TBC1D22A: variants seen among roughly 807,000 people sequenced by gnomAD.
The protein encoded by TBC1D22A is TBC1 domain family member 22A.
In TBC1D22A, 38 loss-of-function variants were observed where a neutral mutation model predicts 60.2. That is an observed-to-expected ratio of 0.63 (90% CI 0.49 to 0.83). The LOEUF (loss-of-function observed/expected upper bound fraction) is 0.83. Ranked by LOEUF, TBC1D22A falls within the 40% of genes least tolerant of loss-of-function variation. The pLI is 0.00. For missense variants in TBC1D22A, 628 were observed against 701.0 expected (o/e 0.90, Z 1.18); for synonymous variants, 302 against 281.7 (o/e 1.07, Z -0.72).
At chr22:47,105,692 T>C (rs2065606268) in intron 11 of TBC1D22A, among the ~76,000 whole-genome samples, 1 of 152,252 alleles carries the variant, frequency 6.6e-6, no homozygotes, top group Admixed American at 6.5e-5. Flanking sequence ...GCTAAAAATT[T>C]GGTTTAATGT....
intron 4 of TBC1D22A, among the ~76,000 whole-genome samples, chr22:46,824,353 C>T (rs1211387287): frequency 6.6e-6 from 1 of 152,112 alleles, no homozygotes; most frequent in African/African-American, 2.4e-5. Flanking sequence ...AGGAGATAGC[C>T]ACCTGATGAT....
intron 10 of TBC1D22A, among the ~76,000 whole-genome samples, chr22:47,013,114 C>T (rs1050340213): frequency 6.6e-6 from 1 of 152,242 alleles, no homozygotes; most frequent in Non-Finnish European, 1.5e-5. Context: ...TGGGCACTGC[C>T]TCTTCCACTG....
At chr22:47,098,460 C>T (rs1299844302) in intron 11 of TBC1D22A, among the ~76,000 whole-genome samples, 2 of 152,218 alleles carry the variant, frequency 1.3e-5, no homozygotes, top group East Asian at 1.9e-4. Context: ...GGCCGCACCA[C>T]AGGAACTGGA....
At chr22:47,066,852 G>A (rs1358056318) in intron 11 of TBC1D22A, among the ~76,000 whole-genome samples, 1 of 152,162 alleles carries the variant, frequency 6.6e-6, no homozygotes, top group Non-Finnish European at 1.5e-5. Flanking sequence ...TAACACTGGT[G>A]TCTGGATAGG....
chr22:46,897,312 C>CAT, intron 7 of TBC1D22A, among the ~76,000 whole-genome samples: 1 of 152,224 alleles, frequency 6.6e-6, no homozygotes. Context: ...ACTTAGTGTA[C>CAT]ACCCTATGTA....
intron 8 of TBC1D22A, among the ~76,000 whole-genome samples, chr22:46,966,995 G>A (rs1297959837): frequency 1.3e-5 from 2 of 152,210 alleles, no homozygotes; most frequent in East Asian, 1.9e-4. Flanking sequence ...CTGCCACCTC[G>A]TCTAGCCATG....
At chr22:46,913,765 A>G (rs1183771294) in intron 8 of TBC1D22A, 1 of 985,124 alleles carries the variant, frequency 1.0e-6, no homozygotes, top group African/African-American at 1.7e-5. Context: ...CATTTAATTA[A>G]TGTGGTAAAT....
At chr22:47,000,569 G>A (rs1223097027) in intron 10 of TBC1D22A, among the ~76,000 whole-genome samples, 1 of 152,192 alleles carries the variant, frequency 6.6e-6, no homozygotes, top group African/African-American at 2.4e-5. Flanking sequence ...AGCCTTCGAG[G>A]GTGTGTGCTG....
At chr22:46,795,373 C>T (rs1033400623) in intron 3 of TBC1D22A, among the ~76,000 whole-genome samples, 2 of 152,234 alleles carry the variant, frequency 1.3e-5, no homozygotes, top group African/African-American at 4.8e-5. Context: ...GTGGCCAGGA[C>T]CGCAGGACCA....
intron 1 of TBC1D22A, among the ~76,000 whole-genome samples, chr22:46,783,679 A>G (rs2084039500): frequency 6.6e-6 from 1 of 152,140 alleles, no homozygotes; most frequent in Non-Finnish European, 1.5e-5. Context: ...CCACACTGTC[A>G]ACTTGCTCTC....
At chr22:46,902,212 G>A (rs1212014723) in intron 7 of TBC1D22A, among the ~76,000 whole-genome samples, 4 of 152,212 alleles carry the variant, frequency 2.6e-5, no homozygotes, top group South Asian at 4.1e-4. Context: ...ATGTTCTGGC[G>A]TTCAGATTTC....
At chr22:46,907,206 C>T (rs1241826071) in intron 7 of TBC1D22A, among the ~76,000 whole-genome samples, 1 of 152,172 alleles carries the variant, frequency 6.6e-6, no homozygotes, top group African/African-American at 2.4e-5. Flanking sequence ...GGCTCCTCTC[C>T]TCCTCCCTCC....
chr22:47,091,595 G>T (rs903252642), intron 11 of TBC1D22A, among the ~76,000 whole-genome samples: 2 of 151,476 alleles, frequency 1.3e-5, no homozygotes, highest in Admixed American at 6.6e-5. Context: ...AGACAGGCAC[G>T]ATAAGTCGTC....
At chr22:46,840,681 C>T (rs888107953) in intron 4 of TBC1D22A, among the ~76,000 whole-genome samples, 5 of 151,110 alleles carry the variant, frequency 3.3e-5, no homozygotes, top group African/African-American at 9.7e-5. Flanking sequence ...TGCAGTGAGC[C>T]GAGATTGCGC....
chr22:47,052,018 C>T (rs992724878), intron 11 of TBC1D22A, among the ~76,000 whole-genome samples: 3 of 152,112 alleles, frequency 2.0e-5, no homozygotes, highest in East Asian at 3.9e-4. Flanking sequence ...AAGCACAGAG[C>T]GGGCGGGATG....
At chr22:47,172,548 C>T (rs1276422828) in intron 12 of TBC1D22A, among the ~76,000 whole-genome samples, 2 of 152,146 alleles carry the variant, frequency 1.3e-5, no homozygotes, top group Non-Finnish European at 2.9e-5. Flanking sequence ...TATGTAAAAC[C>T]TTTTACCTCC....
intron 12 of TBC1D22A, among the ~76,000 whole-genome samples, chr22:47,152,588 G>A (rs548832207): frequency 6.6e-5 from 10 of 152,314 alleles, no homozygotes; most frequent in South Asian, 6.2e-4. Context: ...GCTCTCTGTC[G>A]CTTCTAAGTC....
chr22:47,073,616 A>G (rs2064091581), intron 11 of TBC1D22A, among the ~76,000 whole-genome samples: 3 of 152,200 alleles, frequency 2.0e-5, no homozygotes, highest in Admixed American at 2.0e-4. Flanking sequence ...TGGGTCTAGG[A>G]CTTCCCCACT....
intron 9 of TBC1D22A, among the ~76,000 whole-genome samples, chr22:46,984,597 A>C (rs938034575): frequency 1.3e-5 from 2 of 152,164 alleles, no homozygotes; most frequent in African/African-American, 4.8e-5. Flanking sequence ...ACTGAACAGG[A>C]CAATTTCTTT....
Sources: gnomAD v4.1 joint callset for allele counts (sites outside exome capture counted in the v4.1 genomes callset) on GRCh38, gnomAD v4.1.1 for gene constraint, MANE v1.5 for transcripts, NCBI Gene and HGNC (gene_info 2026-07-23, HGNC 2026-07-21) for gene names.